The following XDH variants were observed in gnomAD, a reference collection of about 807,000 sequenced individuals.
XDH encodes xanthine dehydrogenase.
A neutral mutation model predicts 156.1 loss-of-function variants in XDH; 138 were observed. The ratio of observed to expected loss-of-function variants is 0.88; its 90% confidence interval spans 0.77 to 1.02. The LOEUF (loss-of-function observed/expected upper bound fraction) is 1.02, where lower values mean the gene tolerates loss of function less well. Among genes scored for constraint, XDH ranks in the 50% least tolerant of loss-of-function variants. The pLI, the probability that XDH is intolerant of heterozygous loss-of-function variation, is 0.00. For missense variants in XDH, 1,849 were observed against 1,684.9 expected (o/e 1.10, Z -1.71); for synonymous variants, 669 against 625.7 (o/e 1.07, Z -1.03).
In XDH at chr2:31,401,223, C is replaced by A; in HGVS notation, c.303G>T (p.Val101=). The change falls in exon 4 of 36, where the codon GTG becomes GTT. Residue 101 remains valine (V), a synonymous_variant. Transcript: ENST00000379416. ...IGSTKTRLHP[V]QERIAKSHGS... ...CAGCTCCCTTTCCTCTGTTTACCTG[C>A]ACAGGATGCAGCCTCGTCTTGGTGC... is the stretch of plus-strand genomic sequence containing the variant. 1.2e-6 allele frequency: 2 copies of A among 1,614,156 alleles called. No homozygotes were observed. Among genetic ancestry groups the A allele is most frequent in the African/African-American group, 1.3e-5 (1 of 75,048 alleles).
At chr2:31,411,710 C>T (rs1227965714) in intron 1 of XDH, among the ~76,000 whole-genome samples, 2 of 152,226 alleles carry the variant, frequency 1.3e-5, no homozygotes, top group Non-Finnish European at 2.9e-5. Flanking sequence ...ATACCATGCA[C>T]TGTGCTAAGT....
intron 1 of XDH, among the ~76,000 whole-genome samples, chr2:31,412,369 G>T (rs1687364238): frequency 6.6e-6 from 1 of 152,082 alleles, no homozygotes; most frequent in Admixed American, 6.6e-5. Context: ...ACAAGGAGAG[G>T]AGTAGGCTCA....
At chr2:31,404,788 C>T (rs1487944609) in intron 2 of XDH, among the ~76,000 whole-genome samples, 1 of 152,092 alleles carries the variant, frequency 6.6e-6, no homozygotes, top group African/African-American at 2.4e-5. Flanking sequence ...CCAGATACAC[C>T]CACTTAAGGT....
In XDH at chr2:31,391,247, G is replaced by A. The variant is rs146052821; in HGVS notation, c.496-2952C>T. On this transcript the variant is annotated intron_variant, in intron 6 of 35. Coordinates refer to ENST00000379416, the MANE Select transcript of XDH (RefSeq NM_000379.4). The stretch of plus-strand genomic sequence containing the variant: ...AAGACAATCTTTGCTCCATCGTATC[G>A]CCTTTTCTTCTTTGTGAAACATCAG... Among the ~76,000 whole-genome samples, 394 of 152,178 alleles carry A rather than the reference G, an allele frequency of 2.6e-3. 2 individuals are homozygous for A. The highest frequency in any genetic ancestry group is 4.5e-3 in the Non-Finnish European group (306 of 67,966).
chr2:31,350,668 C>CGCA (rs1475927865), intron 24 of XDH, among the ~76,000 whole-genome samples: 1 of 152,154 alleles, frequency 6.6e-6, no homozygotes, highest in Non-Finnish European at 1.5e-5. Flanking sequence ...GCCCAGCCTG[C>CGCA]GGCAGCATCT....
Position 31,348,296 on chromosome 2 carries a change from C to A in XDH, c.3119G>T (p.Gly1040Val), listed in dbSNP as rs1270730371. Residue 1040 changes from glycine (G) to valine (V), a missense_variant, in exon 28 of 36, where the codon GGC becomes GTC. Gly to Val is a moderately radical substitution (Grantham distance 109). Coordinates refer to ENST00000379416, the MANE Select transcript of XDH (RefSeq NM_000379.4). ...VLLTHGGTEMGQGLHTKMVQV... is the reference protein window; with the variant it reads ...VLLTHGGTEMVQGLHTKMVQV... ...GACCATTTTGGTATGAAGGCCTTGG[C>A]CCATCTCAGTCCCCCCGTGGGTCAG... The A allele has an allele frequency of 6.2e-7, 1 of 1,614,210 alleles. No homozygotes were observed. Among genetic ancestry groups the A allele is most frequent in the Non-Finnish European group, 8.5e-7 (1 of 1,180,028 alleles).
At chr2:31,365,217 A>G (rs147103108) in intron 23 of XDH, among the ~76,000 whole-genome samples, 1 of 152,342 alleles carries the variant, frequency 6.6e-6, no homozygotes, top group Non-Finnish European at 1.5e-5. Flanking sequence ...CAGACTCAGA[A>G]CACAGCAAAT....
intron 31 of XDH, among the ~76,000 whole-genome samples, chr2:31,343,308 A>ATATATATGCATGTT (rs1553411655): frequency 0.017 from 1,686 of 98,452 alleles, 45 homozygotes; most frequent in Middle Eastern, 0.034. Context: ...ATATATATAT[A>ATATATATGCATGTT]TATATATATA....
chr2:31,354,630 A>G (rs1338373759), intron 24 of XDH, among the ~76,000 whole-genome samples: 2 of 152,244 alleles, frequency 1.3e-5, no homozygotes, highest in East Asian at 1.9e-4. Context: ...TGAAAAGGCA[A>G]CAACCAAAAT....
chr2:31,372,536 G>T, intron 16 of XDH, 139 bp from the exon 17 acceptor site: 1 of 1,136,372 alleles, frequency 8.8e-7, no homozygotes, highest in African/African-American at 1.5e-5. Context: ...GGGGCGTGGG[G>T]CAAAGGGAAC....
intron 18 of XDH, among the ~76,000 whole-genome samples, chr2:31,369,525 T>C (rs537585731): frequency 6.6e-6 from 1 of 152,274 alleles, no homozygotes; most frequent in African/African-American, 2.4e-5. Flanking sequence ...ATGTCTCTGA[T>C]AATTATCTCT....
At chr2:31,361,351 T>C (rs1685772074) in intron 24 of XDH, among the ~76,000 whole-genome samples, 1 of 152,232 alleles carries the variant, frequency 6.6e-6, no homozygotes, top group Non-Finnish European at 1.5e-5. Flanking sequence ...TTAGCCAGTT[T>C]TCATGAAGTA....
chr2:31,347,376 C>T lies in XDH; in HGVS notation c.3276+146G>A, dbSNP rs1572514964. On this transcript the variant is annotated intron_variant, in intron 29 of 35. Transcript: ENST00000379416. ...TCTTTTAGCTTGAGGTTTGGAGAAA[C>T]AGCATCCTCCTGGATAAGGGAGCCA... is the stretch of plus-strand genomic sequence containing the variant. The T allele has an allele frequency of 3.2e-6, 4 of 1,231,532 alleles. No homozygotes were observed. The East Asian group carries it at 9.6e-5, about 29-fold the overall frequency. 76.3% of individuals were successfully genotyped at this position (1,231,532 alleles called of 1,614,324 possible). A position where few individuals can be genotyped will look rare whatever the true frequency, so the allele number is the denominator to read the frequency against.
intron 5 of XDH, among the ~76,000 whole-genome samples, chr2:31,398,074 G>A (rs192481177): frequency 6.6e-6 from 1 of 152,194 alleles, no homozygotes; most frequent in East Asian, 1.9e-4. Flanking sequence ...AGTAGAGGGT[G>A]TGTCTTTTAT....
In XDH at chr2:31,338,260, C is replaced by T. The variant is rs45445192; in HGVS notation, c.3775-443G>A. Among the ~76,000 whole-genome samples, 394 of 152,294 alleles carry T rather than the reference C, an allele frequency of 2.6e-3. 1 individual carries two copies. The highest frequency in any genetic ancestry group is 9.2e-3 in the African/African-American group (382 of 41,552). On this transcript the variant is annotated intron_variant, in intron 34 of 35. Transcript: ENST00000379416. ...TTACAGCATCCGCAGGAATTATAGG[C>T]ATAAGAACAAACAGGAATTAAAACA... is the stretch of plus-strand genomic sequence containing the variant.
intron 12 of XDH, among the ~76,000 whole-genome samples, chr2:31,381,084 T>A (rs1686426218): frequency 6.7e-6 from 1 of 150,088 alleles, no homozygotes; most frequent in Non-Finnish European, 1.5e-5. Flanking sequence ...CAACCTCCGC[T>A]TCCCAGGTTC....
At chr2:31,348,566 T>C (rs1362031558) in intron 27 of XDH, among the ~76,000 whole-genome samples, 1 of 152,238 alleles carries the variant, frequency 6.6e-6, no homozygotes, top group Non-Finnish European at 1.5e-5. Flanking sequence ...TATGTTTCTC[T>C]CTGTTTCTCT....
At chr2:31,382,569 C>T (rs1194319260) in intron 11 of XDH, among the ~76,000 whole-genome samples, 8 of 152,166 alleles carry the variant, frequency 5.3e-5, no homozygotes, top group Admixed American at 2.6e-4. Context: ...TGGGAGGGCT[C>T]TGTCTCTGGT....
In XDH at chr2:31,349,708, T is replaced by A; in HGVS notation, c.2947A>T (p.Ser983Cys). ...LASSQYHARK[S>C]EVDKFNKENC... ...TACTTGTTGAACTTGTCAACCTCAC[T>A]CTTCCGAGCATGATACTGAGAGCTT... Residue 983 changes from serine to cysteine, a missense_variant, in exon 26 of 36, where the codon AGT becomes TGT. Transcript: ENST00000379416. 2 of 1,614,194 alleles carry A rather than the reference T, an allele frequency of 1.2e-6. No homozygotes were observed. The highest frequency in any genetic ancestry group is 1.7e-6 in the Non-Finnish European group (2 of 1,180,038).
Sources: allele counts gnomAD v4.1 joint callset (sites outside exome capture counted in the v4.1 genomes callset), GRCh38; gene constraint gnomAD v4.1.1; transcripts MANE v1.5; gene names NCBI Gene and HGNC (gene_info 2026-07-23, HGNC 2026-07-21).